TRABD2A: variants seen among roughly 807,000 people sequenced by gnomAD.
TRABD2A encodes metalloprotease TIKI1.
In TRABD2A, 43 loss-of-function variants were observed where a neutral mutation model predicts 45.6. The observed-to-expected ratio is 0.94, with a 90% CI of 0.74 to 1.22. The LOEUF is 1.22. TRABD2A is among the 50% of genes most tolerant of loss of function. The probability of loss-of-function intolerance (pLI) is 0.00; values close to 1 mark genes in which losing one functional copy is unlikely to be tolerated. For synonymous variants in TRABD2A, 269 were observed against 265.0 expected (o/e 1.02, Z -0.15); for missense variants, 642 against 652.4 (o/e 0.98, Z 0.17).
At chr2:84,847,650 G>A (rs943953782) in intron 2 of TRABD2A, among the ~76,000 whole-genome samples, 1 of 152,196 alleles carries the variant, frequency 6.6e-6, no homozygotes, top group Admixed American at 6.5e-5. Flanking sequence ...GGATCCACCC[G>A]GCCAGTGCTC....
At chr2:84,866,543 C>CA (rs566383228) in intron 2 of TRABD2A, among the ~76,000 whole-genome samples, 73 of 152,160 alleles carry the variant, frequency 4.8e-4, no homozygotes, top group African/African-American at 1.7e-3. Context: ...TTTCCCTTTG[C>CA]AAAATCAATG....
At chr2:84,843,602 C>T (rs754310700) in intron 2 of TRABD2A, 30 of 152,608 alleles carry the variant, frequency 2.0e-4, no homozygotes, top group Non-Finnish European at 3.7e-4. Context: ...GAGATCAAGG[C>T]ACTGGCCTTT....
intron 2 of TRABD2A, among the ~76,000 whole-genome samples, chr2:84,867,808 T>C (rs1263759381): frequency 1.3e-5 from 2 of 152,220 alleles, no homozygotes; most frequent in Non-Finnish European, 2.9e-5. Context: ...AGAAGACATT[T>C]TGGCAGCCAA....
intron 2 of TRABD2A, among the ~76,000 whole-genome samples, chr2:84,845,977 G>T (rs1431261895): frequency 6.6e-6 from 1 of 152,114 alleles, no homozygotes; most frequent in African/African-American, 2.4e-5. Flanking sequence ...CTTCTGGGAG[G>T]AGAAGGAAAG....
intron 2 of TRABD2A, chr2:84,844,127 C>A (rs1681804527): frequency 6.6e-6 from 1 of 152,220 alleles, no homozygotes; most frequent in South Asian, 2.1e-4. Context: ...CTATTGGTCA[C>A]AAGCCAGAGC....
chr2:84,822,950 C>G (rs112736701), intron 6 of TRABD2A, among the ~76,000 whole-genome samples: 1 of 152,180 alleles, frequency 6.6e-6, no homozygotes. Context: ...TTAACGCAAT[C>G]GTTCCCTCCA....
chr2:84,855,653 T>C (rs1017762724), intron 2 of TRABD2A, among the ~76,000 whole-genome samples: 1 of 152,020 alleles, frequency 6.6e-6, no homozygotes, highest in African/African-American at 2.4e-5. Context: ...CGTCCCCCTT[T>C]CCACTCTCCC....
intron 1 of TRABD2A, among the ~76,000 whole-genome samples, chr2:84,872,909 G>T (rs754307658): frequency 6.6e-6 from 1 of 152,022 alleles, no homozygotes; most frequent in Non-Finnish European, 1.5e-5. Flanking sequence ...GAGCTCAGGA[G>T]TTCGCGATCA....
intron 1 of TRABD2A, among the ~76,000 whole-genome samples, chr2:84,880,553 CTT>C (rs1418687845): frequency 8.5e-5 from 13 of 152,238 alleles, no homozygotes; most frequent in East Asian, 1.9e-4. Flanking sequence ...AAATTAAACT[CTT>C]AAGGAAGAGA....
chr2:84,879,502 G>A (rs962799596), intron 1 of TRABD2A: 4 of 734,660 alleles, frequency 5.4e-6, no homozygotes, highest in Non-Finnish European at 5.0e-6. Flanking sequence ...TTTTTGTAAC[G>A]TAAAGGAGTC....
At chr2:84,854,631 C>G (rs1237155138) in intron 2 of TRABD2A, among the ~76,000 whole-genome samples, 1 of 152,190 alleles carries the variant, frequency 6.6e-6, no homozygotes. Context: ...GGCAGGAAGA[C>G]TGGCCTTGGT....
chr2:84,861,721 T>C (rs915557143), intron 2 of TRABD2A, among the ~76,000 whole-genome samples: 6 of 152,190 alleles, frequency 3.9e-5, no homozygotes, highest in African/African-American at 1.4e-4. Context: ...AGAGCTGTCC[T>C]TTCCCCGAAA....
intron 2 of TRABD2A, among the ~76,000 whole-genome samples, chr2:84,855,154 C>T (rs923427213): frequency 4.6e-5 from 7 of 152,102 alleles, no homozygotes; most frequent in African/African-American, 7.2e-5. Context: ...ACTTTAAAAT[C>T]GTCCACAAGC....
chr2:84,866,067 A>G lies in TRABD2A; in HGVS notation c.669+4158T>C, dbSNP rs561175532. Among the ~76,000 whole-genome samples, 5 of 152,314 alleles carry G rather than the reference A, an allele frequency of 3.3e-5. No homozygotes were observed. The South Asian group carries it at 1.0e-3, about 32-fold the overall frequency. On this transcript the variant is annotated intron_variant, in intron 2 of 6. Transcript: ENST00000409520. The stretch of plus-strand genomic sequence containing the variant: ...TCCAGGCATCCGTGTCAGGGTCCTA[A>G]CCTGTTGCCAGACTTCAGTTAGATT...
At chr2:84,862,938 C>A (rs1413216403) in intron 2 of TRABD2A, among the ~76,000 whole-genome samples, 1 of 152,114 alleles carries the variant, frequency 6.6e-6, no homozygotes, top group African/African-American at 2.4e-5. Flanking sequence ...GGATGTCCAA[C>A]ATGAAAAAAA....
intron 5 of TRABD2A, among the ~76,000 whole-genome samples, chr2:84,826,288 C>G (rs896557130): frequency 6.6e-6 from 1 of 152,142 alleles, no homozygotes; most frequent in Non-Finnish European, 1.5e-5. Flanking sequence ...AAACAAAGAC[C>G]TCACCCCAGA....
At position 84,824,020 on chromosome 2, in the gene TRABD2A, G is replaced by A. The variant is rs1169030057; in HGVS notation, c.1267C>T (p.Arg423Trp). The part of the protein sequence containing the change: ...SEAEQRFRKK[R>W]RRSQRRPRLR... ...CGCGGCCTCCGCTGTGACCGCCTCC[G>A]CTTCTTCCGGAACCTCTGTTCGGCC... The change falls in exon 6 of 7, where the codon CGG becomes TGG. Residue 423 changes from arginine to tryptophan, a missense_variant. Physicochemically the swap from Arg to Trp is moderately radical, Grantham distance 101. Coordinates refer to ENST00000409520, the MANE Select transcript of TRABD2A (RefSeq NM_001277053.2). 3 of 1,613,848 alleles carry A rather than the reference G, an allele frequency of 1.9e-6. No individual in the cohort carries two copies. Among genetic ancestry groups the A allele is most frequent in the Non-Finnish European group, 2.5e-6 (3 of 1,179,822 alleles).
rs1410006089 is a variant in TRABD2A at position 84,870,702 on chromosome 2, G to C, written c.192C>G (p.Thr64=). ...TGTCGGGGATGAAGTCCCAAACTCG[G>C]GTGTACGGGACATGGATTGTGCCAA... ...YFFGTIHVPY[T]RVWDFIPDNS... is the part of the protein sequence containing the mutation. Residue 64 remains threonine (T), a synonymous_variant, in exon 2 of 7, where the codon ACC becomes ACG. Transcript: ENST00000409520. 3.1e-6 allele frequency: 5 copies of C among 1,604,570 alleles called. No homozygotes were observed. Among genetic ancestry groups the C allele is most frequent in the Non-Finnish European group, 4.3e-6 (5 of 1,175,408 alleles).
rs149947251 is a variant in TRABD2A at position 84,873,289 on chromosome 2, G to A, written c.109-2504C>T. ...AAATTAGCCGGACATGGTGGCAAGC[G>A]CCTGTAGTCCCAGCTACTCTACTTA... On this transcript the variant is annotated intron_variant, in intron 1 of 6. Coordinates refer to ENST00000409520, the MANE Select transcript of TRABD2A (RefSeq NM_001277053.2). Among the ~76,000 whole-genome samples, 11 of 151,608 alleles carry A rather than the reference G, an allele frequency of 7.3e-5. No individual in the cohort carries two copies. In the East Asian group the frequency reaches 9.7e-4, roughly 13 times the overall value.
Sources: gnomAD v4.1 joint callset for allele counts (sites outside exome capture counted in the v4.1 genomes callset) on GRCh38, gnomAD v4.1.1 for gene constraint, MANE v1.5 for transcripts, NCBI Gene and HGNC (gene_info 2026-07-23, HGNC 2026-07-21) for gene names.